The following FOXP2 variants were observed in gnomAD, a reference collection of about 807,000 sequenced individuals.
FOXP2 encodes the protein forkhead box P2, also known as forkhead box protein P2.
Under a neutral mutation model 115.8 loss-of-function variants are expected in FOXP2, and 12 were observed. The observed-to-expected ratio is 0.10, with a 90% CI of 0.07 to 0.17. The LOEUF (loss-of-function observed/expected upper bound fraction) is 0.17, where lower values mean the gene tolerates loss of function less well. Among genes scored for constraint, FOXP2 ranks in the 10% least tolerant of loss-of-function variants. The probability of loss-of-function intolerance (pLI) is 1.00; values close to 1 mark genes in which losing one functional copy is unlikely to be tolerated. For synonymous variants in FOXP2, 328 were observed against 297.7 expected, an observed-to-expected ratio of 1.10 and a Z score of -1.05; for missense variants, 629 against 843.5, an observed-to-expected ratio of 0.75 and a Z score of 3.15.
chr7:114,648,915 C>T (rs937298002), intron 8 of FOXP2, among the ~76,000 whole-genome samples: 7 of 152,020 alleles, frequency 4.6e-5, no homozygotes, highest in Admixed American at 1.3e-4. Context: ...ACTGCAGTCT[C>T]GGTAAGAGGC....
chr7:114,256,422 G>A (rs1795615263), intron 1 of FOXP2, among the ~76,000 whole-genome samples: 1 of 152,176 alleles, frequency 6.6e-6, no homozygotes, highest in African/African-American at 2.4e-5. Context: ...GGTATATTTT[G>A]TGGTTTTTAT....
At chr7:114,378,701 A>AAAAAAAAAAAAAAAAAAAAAAAAG (rs1554380027) in intron 2 of FOXP2, among the ~76,000 whole-genome samples, 22 of 106,790 alleles carry the variant, frequency 2.1e-4, no homozygotes, top group Admixed American at 4.4e-4. Flanking sequence ...AAAAAAAAAA[A>AAAAAAAAAAAAAAAAAAAAAAAAG]GGAAAAGAAA....
intron 1 of FOXP2, among the ~76,000 whole-genome samples, chr7:114,137,202 G>A (rs1792064573): frequency 6.6e-6 from 1 of 151,960 alleles, no homozygotes; most frequent in African/African-American, 2.4e-5. Flanking sequence ...AGGGTATTAT[G>A]GATAGGTTTT....
chr7:114,381,699 TGA>T (rs1792306530), intron 2 of FOXP2, among the ~76,000 whole-genome samples: 1 of 152,296 alleles, frequency 6.6e-6, no homozygotes, highest in African/African-American at 2.4e-5. Context: ...CTGATAATCC[TGA>T]GATCTTGCAC....
At chr7:114,271,281 G>A (rs1796029538) in intron 1 of FOXP2, among the ~76,000 whole-genome samples, 1 of 149,680 alleles carries the variant, frequency 6.7e-6, no homozygotes, top group Non-Finnish European at 1.5e-5. Flanking sequence ...TCTTTTATTT[G>A]TCTTACCATG....
chr7:114,187,287 A>G (rs976293782), intron 1 of FOXP2, among the ~76,000 whole-genome samples: 1 of 152,216 alleles, frequency 6.6e-6, no homozygotes, highest in African/African-American at 2.4e-5. Context: ...AAAAGAAGCT[A>G]TGCAGTACCA....
chr7:114,351,358 T>A (rs1417358742), intron 2 of FOXP2, among the ~76,000 whole-genome samples: 1 of 152,152 alleles, frequency 6.6e-6, no homozygotes, highest in African/African-American at 2.4e-5. Flanking sequence ...ATGTTGCATA[T>A]TAAATGTAAA....
At chr7:114,505,245 G>A (rs1797751660) in intron 2 of FOXP2, among the ~76,000 whole-genome samples, 1 of 151,534 alleles carries the variant, frequency 6.6e-6, no homozygotes, top group African/African-American at 2.4e-5. Context: ...TTGAACTAAT[G>A]TAGGAGCACT....
At chr7:114,098,068 G>T (rs1312030239) in intron 1 of FOXP2, among the ~76,000 whole-genome samples, 1 of 152,154 alleles carries the variant, frequency 6.6e-6, no homozygotes, top group Non-Finnish European at 1.5e-5. Context: ...TGAAAAGTGG[G>T]GATAACAAGA....
chr7:114,481,533 T>C (rs1796536177), intron 2 of FOXP2, among the ~76,000 whole-genome samples: 1 of 151,276 alleles, frequency 6.6e-6, no homozygotes, highest in African/African-American at 2.4e-5. Flanking sequence ...GTAAAGACTC[T>C]CCACTCAGAA....
At chr7:114,167,290 A>G (rs1445517646) in intron 1 of FOXP2, among the ~76,000 whole-genome samples, 1 of 152,218 alleles carries the variant, frequency 6.6e-6, no homozygotes, top group African/African-American at 2.4e-5. Flanking sequence ...AGAGACATGG[A>G]AAAACCTTAA....
intron 2 of FOXP2, among the ~76,000 whole-genome samples, chr7:114,332,083 TG>T (rs1241941798): frequency 6.6e-6 from 1 of 152,108 alleles, no homozygotes; most frequent in Non-Finnish European, 1.5e-5. Context: ...ATTTGTTTGC[TG>T]TCTGTACCTC....
intron 2 of FOXP2, among the ~76,000 whole-genome samples, chr7:114,360,538 C>T (rs1791722122): frequency 1.3e-5 from 2 of 152,172 alleles, no homozygotes; most frequent in Non-Finnish European, 2.9e-5. Context: ...AGTCAATCTA[C>T]TCCCAAACCT....
At chr7:114,390,522 G>GTATTTATGTATTTATGTATT (rs144084916) in intron 2 of FOXP2, among the ~76,000 whole-genome samples, 3 of 148,366 alleles carry the variant, frequency 2.0e-5, no homozygotes, top group East Asian at 2.0e-4. Context: ...TTTTATTTAT[G>GTATTTATGTATTTATGTATT]TATTTATTTA....
chr7:114,361,535 C>T (rs1026828522), intron 2 of FOXP2, among the ~76,000 whole-genome samples: 3 of 151,762 alleles, frequency 2.0e-5, no homozygotes, highest in Non-Finnish European at 4.4e-5. Flanking sequence ...CCTAAGAAAG[C>T]TTAAATTATA....
At chr7:114,481,216 T>C (rs561916573) in intron 2 of FOXP2, among the ~76,000 whole-genome samples, 23 of 151,332 alleles carry the variant, frequency 1.5e-4, no homozygotes, top group Admixed American at 5.3e-4. Context: ...GTTTTATAGA[T>C]AAGCTTCTTA....
At chr7:114,301,501 A>G (rs1796878757) in intron 2 of FOXP2, among the ~76,000 whole-genome samples, 1 of 152,076 alleles carries the variant, frequency 6.6e-6, no homozygotes. Flanking sequence ...CTCCTCTTAA[A>G]TAGTGGTATG....
chr7:114,469,487 A>G (rs1795951181), intron 2 of FOXP2, among the ~76,000 whole-genome samples: 1 of 152,196 alleles, frequency 6.6e-6, no homozygotes, highest in South Asian at 2.1e-4. Flanking sequence ...TTTTACAAAG[A>G]TATCTAAAAA....
chr7:114,247,623 T>C (rs1447383183), intron 1 of FOXP2, among the ~76,000 whole-genome samples: 1 of 152,220 alleles, frequency 6.6e-6, no homozygotes, highest in Non-Finnish European at 1.5e-5. Flanking sequence ...CAGTCTTATG[T>C]CCACTGAGCA....
Sources: gnomAD v4.1 joint callset for allele counts (sites outside exome capture counted in the v4.1 genomes callset) on GRCh38, gnomAD v4.1.1 for gene constraint, MANE v1.5 for transcripts, NCBI Gene and HGNC (gene_info 2026-07-23, HGNC 2026-07-21) for gene names.